Variants in PHLDB2 observed in about 807,000 individuals in gnomAD.
PHLDB2 encodes pleckstrin homology like domain family B member 2, also known as pleckstrin homology-like domain family B member 2.
A neutral mutation model predicts 123.6 loss-of-function variants in PHLDB2; 71 were observed. That is an observed-to-expected ratio of 0.57 (90% confidence interval 0.47 to 0.70). The LOEUF (loss-of-function observed/expected upper bound fraction) is 0.70. Among genes scored for constraint, PHLDB2 ranks in the 30% least tolerant of loss-of-function variants. The pLI is 0.00. For synonymous variants in PHLDB2, 547 were observed against 541.6 expected (o/e 1.01, Z -0.14); for missense variants, 1,446 against 1,519.5 (o/e 0.95, Z 0.80).
chr3:111,946,434 T>C (rs925936516), intron 9 of PHLDB2, among the ~76,000 whole-genome samples: 6 of 152,244 alleles, frequency 3.9e-5, no homozygotes, highest in Non-Finnish European at 8.8e-5. Flanking sequence ...GAGTTTGGAC[T>C]CTTACATAGA....
At chr3:111,902,072 C>T (rs1360471006) in intron 2 of PHLDB2, among the ~76,000 whole-genome samples, 2 of 152,198 alleles carry the variant, frequency 1.3e-5, no homozygotes, top group African/African-American at 2.4e-5. Flanking sequence ...TCATAACCCA[C>T]CCATCTGCTG....
chr3:111,931,656 C>A (rs1188360512), intron 5 of PHLDB2, among the ~76,000 whole-genome samples: 1 of 152,186 alleles, frequency 6.6e-6, no homozygotes, highest in African/African-American at 2.4e-5. Context: ...TTTTTACTAG[C>A]TCTCTCTCAG....
At chr3:111,825,560 G>T (rs1202718551) in intron 1 of PHLDB2, among the ~76,000 whole-genome samples, 2 of 152,344 alleles carry the variant, frequency 1.3e-5, no homozygotes, top group Middle Eastern at 3.4e-3. Context: ...CTGTTCTCGT[G>T]CCTCAGCCTC....
At chr3:111,839,517 T>C (rs1249894763) in intron 1 of PHLDB2, among the ~76,000 whole-genome samples, 1 of 152,244 alleles carries the variant, frequency 6.6e-6, no homozygotes, top group Non-Finnish European at 1.5e-5. Context: ...AAAATTAACA[T>C]TATCTTTAGC....
intron 1 of PHLDB2, among the ~76,000 whole-genome samples, chr3:111,844,057 C>T (rs1459516287): frequency 1.3e-5 from 2 of 152,134 alleles, no homozygotes; most frequent in Non-Finnish European, 2.9e-5. Flanking sequence ...TTTCACTACC[C>T]ATGCTCTTGA....
chr3:111,968,024 G>C (rs575925072), intron 15 of PHLDB2, among the ~76,000 whole-genome samples, 200 bp downstream of exon 15: 1 of 149,174 alleles, frequency 6.7e-6, no homozygotes, highest in South Asian at 2.2e-4. Flanking sequence ...AAAACTCTTA[G>C]GGAACCACCA....
At chr3:111,815,424 A>G (rs1331651704) in intron 1 of PHLDB2, among the ~76,000 whole-genome samples, 3 of 152,186 alleles carry the variant, frequency 2.0e-5, no homozygotes, top group Non-Finnish European at 4.4e-5. Context: ...AAGTGCTGAT[A>G]ATGATATGGA....
chr3:111,783,241 T>C (rs2060549567), intron 1 of PHLDB2, among the ~76,000 whole-genome samples: 1 of 152,118 alleles, frequency 6.6e-6, no homozygotes, highest in Admixed American at 6.6e-5. Flanking sequence ...GTACAAATCT[T>C]CTACGGGGCA....
intron 1 of PHLDB2, among the ~76,000 whole-genome samples, chr3:111,805,846 C>CAAA (rs10585193): frequency 3.4e-4 from 32 of 93,170 alleles, no homozygotes; most frequent in Admixed American, 6.5e-4. Flanking sequence ...TAGATGTATG[C>CAAA]AAAAAAAAAA....
At chr3:111,842,958 A>C (rs1027195350) in intron 1 of PHLDB2, among the ~76,000 whole-genome samples, 1 of 152,244 alleles carries the variant, frequency 6.6e-6, no homozygotes, top group African/African-American at 2.4e-5. Flanking sequence ...ATTGCTGAAT[A>C]ATATTCCATT....
At chr3:111,851,949 C>G (rs1415628849) in intron 2 of PHLDB2, among the ~76,000 whole-genome samples, 3 of 150,040 alleles carry the variant, frequency 2.0e-5, no homozygotes, top group African/African-American at 7.3e-5. Flanking sequence ...CTAGAAGGCC[C>G]CTCAACCTTT....
chr3:111,878,698 T>C (rs1386173850), intron 1 of PHLDB2, among the ~76,000 whole-genome samples: 1 of 152,216 alleles, frequency 6.6e-6, no homozygotes, highest in Non-Finnish European at 1.5e-5. Context: ...TTGTTATAAA[T>C]AGCTCTTATT....
chr3:111,774,182 C>T (rs1559823912), intron 1 of PHLDB2, among the ~76,000 whole-genome samples: 1 of 152,184 alleles, frequency 6.6e-6, no homozygotes, highest in Non-Finnish European at 1.5e-5. Flanking sequence ...CACCTTCCCA[C>T]CTCTGTTGTG....
At chr3:111,824,546 C>T (rs892544703) in intron 1 of PHLDB2, among the ~76,000 whole-genome samples, 2 of 152,134 alleles carry the variant, frequency 1.3e-5, no homozygotes, top group Admixed American at 1.3e-4. Context: ...TTTCCTTATG[C>T]TTGAGGGACC....
rs373726125 is a variant in PHLDB2, at chr3:111,942,902, A to C, written c.2397+2257A>C. Among the ~76,000 whole-genome samples the C allele has an allele frequency of 2.0e-5, 3 of 151,774 alleles. 1 individual carries two copies. In the East Asian group the frequency reaches 5.8e-4, roughly 29 times the overall value. On this transcript the variant is annotated intron_variant, in intron 8 of 17. Coordinates refer to ENST00000431670, the MANE Select transcript of PHLDB2 (RefSeq NM_001134438.2). ...TGTCTTCAAACGGAAACACACATGA[A>C]ACAAAGTTCAGTATTGATCAGTTGA...
At chr3:111,732,680 C>T (rs1205531698) in exon 1 of PHLDB2, 5 of 1,535,590 alleles carry the variant, frequency 3.3e-6, no homozygotes, top group Non-Finnish European at 3.5e-6. Context: ...AGGGAAGAGT[C>T]GGGATTGAAA....
In PHLDB2 at chr3:111,974,637, A is replaced by T; in HGVS notation, c.*74A>T. 1 of 1,404,448 alleles carries T rather than the reference A, an allele frequency of 7.1e-7. No homozygotes were observed. 87.0% of individuals were successfully genotyped at this position (1,404,448 alleles called of 1,614,324 possible). A position where few individuals can be genotyped will look rare whatever the true frequency, so the allele number is the denominator to read the frequency against. On this transcript the variant is annotated 3_prime_UTR_variant, in exon 18 of 18. Coordinates refer to ENST00000431670, the MANE Select transcript of PHLDB2 (RefSeq NM_001134438.2). ...CAAGAATGAAGCCATATTCAACCCC[A>T]GATGAGAAAACCCAACAGATCCATC...
chr3:111,932,422 A>T, intron 6 of PHLDB2, 25 bp downstream of exon 6: 7 of 1,529,722 alleles, frequency 4.6e-6, no homozygotes, highest in Non-Finnish European at 6.2e-6. Flanking sequence ...GGAATGCACC[A>T]GTTATTTTGC....
intron 5 of PHLDB2, among the ~76,000 whole-genome samples, chr3:111,930,779 C>T (rs994499055): frequency 6.6e-6 from 1 of 152,150 alleles, no homozygotes; most frequent in Non-Finnish European, 1.5e-5. Flanking sequence ...CATTGAAGAT[C>T]GAAGAAATTT....
Sources: gnomAD v4.1 joint callset for allele counts (sites outside exome capture counted in the v4.1 genomes callset) on GRCh38, gnomAD v4.1.1 for gene constraint, MANE v1.5 for transcripts, NCBI Gene and HGNC (gene_info 2026-07-23, HGNC 2026-07-21) for gene names.